ZC3H12B: variants seen among roughly 807,000 people sequenced by gnomAD.
The protein encoded by ZC3H12B is zinc finger CCCH-type containing 12B, also known as probable ribonuclease ZC3H12B.
Under a neutral mutation model 43.9 loss-of-function variants are expected in ZC3H12B, and 7 were observed. That is an observed-to-expected ratio of 0.16 (90% CI 0.09 to 0.30). The LOEUF is 0.30. Ranked by LOEUF, ZC3H12B falls within the 10% of genes least tolerant of loss-of-function variation. The pLI is 1.00. For missense variants in ZC3H12B, 475 were observed against 670.2 expected, an observed-to-expected ratio of 0.71 and a Z score of 3.22; for synonymous variants, 222 against 241.7, an observed-to-expected ratio of 0.92 and a Z score of 0.76.
chrX:65,287,553 G>A, the ZC3H12B span, among the ~76,000 whole-genome samples: 2 of 110,665 alleles, frequency 1.8e-5, no homozygotes, highest in African/African-American at 6.6e-5. Context: ...TTGTGTCTAG[G>A]AGTTTGAGAT....
chrX:65,075,043 A>G, the ZC3H12B span, among the ~76,000 whole-genome samples: 1 of 112,003 alleles, frequency 8.9e-6, no homozygotes, highest in East Asian at 2.8e-4. Context: ...CATTTAAGAA[A>G]ATGACCACCT....
the ZC3H12B span, among the ~76,000 whole-genome samples, chrX:65,220,734 C>A: frequency 8.9e-6 from 1 of 111,756 alleles, no homozygotes; most frequent in African/African-American, 3.3e-5. Flanking sequence ...ATGTGATAGA[C>A]AACAACAAAA....
chrX:65,341,073 T>C, the ZC3H12B span, among the ~76,000 whole-genome samples: 1 of 111,995 alleles, frequency 8.9e-6, no homozygotes, highest in African/African-American at 3.2e-5. Context: ...TCAAAAGTAT[T>C]AATAGCAGAA....
chrX:65,076,640 A>C, the ZC3H12B span, among the ~76,000 whole-genome samples: 1 of 104,245 alleles, frequency 9.6e-6, no homozygotes, highest in African/African-American at 3.5e-5. Context: ...ATATATCTTT[A>C]ACTTCACTGA....
At chrX:65,440,061 T>C (rs1364314997) in intron 3 of ZC3H12B, among the ~76,000 whole-genome samples, 2 of 112,387 alleles carry the variant, frequency 1.8e-5, no homozygotes, top group East Asian at 2.8e-4. Flanking sequence ...TAATGCTAGA[T>C]TCAACTGTGT....
chrX:65,418,802 C>T (rs910460448), intron 3 of ZC3H12B, among the ~76,000 whole-genome samples: 1 of 111,674 alleles, frequency 9.0e-6, no homozygotes, highest in Non-Finnish European at 1.9e-5. Context: ...AGACCCAGAA[C>T]CCCTAGAATG....
the ZC3H12B span, among the ~76,000 whole-genome samples, chrX:65,079,885 C>T: frequency 1.3e-3 from 148 of 110,895 alleles, 2 homozygotes; most frequent in Middle Eastern, 4.7e-3. Flanking sequence ...AAATAAACCA[C>T]CAGGGGCTAA....
the ZC3H12B span, among the ~76,000 whole-genome samples, chrX:65,145,508 G>A: frequency 0.23 from 25,801 of 110,850 alleles, 7,163 homozygotes; most frequent in African/African-American, 0.8. Flanking sequence ...TTTATTCTTC[G>A]TGCTATTTGC....
chrX:65,315,604 T>C, the ZC3H12B span, among the ~76,000 whole-genome samples: 2 of 110,869 alleles, frequency 1.8e-5, no homozygotes, highest in South Asian at 7.7e-4. Flanking sequence ...AATGAACCCA[T>C]CTTATGTCAC....
chrX:65,050,295 A>AT, the ZC3H12B span, among the ~76,000 whole-genome samples: 1 of 111,040 alleles, frequency 9.0e-6, no homozygotes, highest in Non-Finnish European at 1.9e-5. Flanking sequence ...TCTAACAGGT[A>AT]TTTTTGTGGA....
intron 3 of ZC3H12B, among the ~76,000 whole-genome samples, chrX:65,441,103 A>G (rs1029751368): frequency 1.8e-5 from 2 of 112,062 alleles, no homozygotes; most frequent in African/African-American, 6.5e-5. Context: ...AATTTCATGC[A>G]TTGTATGTTG....
At chrX:65,275,190 C>A in the ZC3H12B span, among the ~76,000 whole-genome samples, 1 of 112,694 alleles carries the variant, frequency 8.9e-6, no homozygotes. Flanking sequence ...GAAAAACAAC[C>A]CTCTGTTCAC....
At chrX:65,266,856 AC>A in the ZC3H12B span, among the ~76,000 whole-genome samples, 1 of 111,201 alleles carries the variant, frequency 9.0e-6, no homozygotes, top group Non-Finnish European at 1.9e-5. Flanking sequence ...ATTTAAAGGT[AC>A]AAATATTGGT....
At chrX:65,407,890 C>G (rs1326617937) in intron 3 of ZC3H12B, among the ~76,000 whole-genome samples, 1 of 113,619 alleles carries the variant, frequency 8.8e-6, no homozygotes, top group Non-Finnish European at 1.9e-5. Flanking sequence ...CCCGCACCGA[C>G]GGGAGCGGGA....
At chrX:65,295,392 G>A in the ZC3H12B span, among the ~76,000 whole-genome samples, 2 of 111,192 alleles carry the variant, frequency 1.8e-5, no homozygotes, top group African/African-American at 6.5e-5. Context: ...AAAACCTCTG[G>A]AATACAGGAA....
At chrX:65,449,967 T>C (rs898894055) in intron 3 of ZC3H12B, among the ~76,000 whole-genome samples, 4 of 111,197 alleles carry the variant, frequency 3.6e-5, no homozygotes, top group Non-Finnish European at 7.5e-5. Flanking sequence ...AATTCATTCA[T>C]GTAACCAAAA....
At chrX:65,053,506 A>G in the ZC3H12B span, among the ~76,000 whole-genome samples, 2 of 111,625 alleles carry the variant, frequency 1.8e-5, no homozygotes, top group African/African-American at 6.5e-5. Flanking sequence ...CCAATCTATC[A>G]TTGTTGGACA....
At chrX:65,164,162 G>T in the ZC3H12B span, among the ~76,000 whole-genome samples, 1 of 111,523 alleles carries the variant, frequency 9.0e-6, no homozygotes, top group Admixed American at 9.6e-5. Context: ...AGAAGTTGGA[G>T]GCTAGGGTTT....
the ZC3H12B span, among the ~76,000 whole-genome samples, chrX:65,232,311 A>T: frequency 9.0e-6 from 1 of 111,431 alleles, no homozygotes; most frequent in African/African-American, 3.3e-5. Context: ...CTGGGAACTA[A>T]TAAATGGCCA....
Sources: gnomAD v4.1 joint callset for allele counts (sites outside exome capture counted in the v4.1 genomes callset) on GRCh38, gnomAD v4.1.1 for gene constraint, MANE v1.5 for transcripts, NCBI Gene and HGNC (gene_info 2026-07-23, HGNC 2026-07-21) for gene names.